SMIM41: variants seen among roughly 807,000 people sequenced by gnomAD.
SMIM41 encodes the protein small integral membrane protein 41.
Position 52,079,993 on chromosome 12 carries a change from G to T in SMIM41, c.214G>T (p.Glu72Ter), listed in dbSNP as rs1476315016. 1.1e-5 allele frequency: 4 copies of T among 378,410 alleles called. No homozygotes were observed. Among genetic ancestry groups the T allele is most frequent in the African/African-American group, 4.2e-5 (2 of 47,696 alleles). The allele number at this position is 378,410 out of a possible 1,614,324, so 23.4% of individuals were successfully genotyped here. A position where few individuals can be genotyped will look rare whatever the true frequency, so the allele number is the denominator to read the frequency against. ...AQGLTALLTR[E>*]QRASREPEPG... ...GGGCCTGACAGCGCTGCTGACCCGC[G>T]AGCAGCGCGCGTCCCGCGAGCCCGA... Residue 72 changes from glutamate (E) to a stop codon, truncating the protein, a stop_gained, in exon 1 of 3, where the codon GAG becomes TAG. Coordinates refer to ENST00000546390, the MANE Select transcript of SMIM41 (RefSeq NM_001369216.1). LOFTEE classifies it high-confidence loss of function.
At chr12:52,107,030 ATT>A (rs1300538764) in intron 2 of SMIM41, among the ~76,000 whole-genome samples, 1 of 152,182 alleles carries the variant, frequency 6.6e-6, no homozygotes, top group Non-Finnish European at 1.5e-5. Flanking sequence ...GATAGGCTGT[ATT>A]TTCTAGCAAT....
intron 2 of SMIM41, among the ~76,000 whole-genome samples, chr12:52,095,506 TC>T (rs1374023858): frequency 6.6e-6 from 1 of 152,072 alleles, no homozygotes; most frequent in Non-Finnish European, 1.5e-5. Flanking sequence ...AGCATCCTGT[TC>T]CCCCTGGATA....
chr12:52,101,317 C>T (rs747787046), intron 2 of SMIM41, among the ~76,000 whole-genome samples: 6 of 152,104 alleles, frequency 3.9e-5, no homozygotes, highest in South Asian at 2.1e-4. Context: ...CTCAGCTACT[C>T]GGAAGGCTGA....
At chr12:52,097,379 A>T (rs1412168470) in intron 2 of SMIM41, among the ~76,000 whole-genome samples, 2 of 149,862 alleles carry the variant, frequency 1.3e-5, no homozygotes, top group Non-Finnish European at 3.0e-5. Context: ...GCCACATTGC[A>T]GGGGGGTGGA....
At chr12:52,095,326 G>GC (rs1214754762) in intron 2 of SMIM41, among the ~76,000 whole-genome samples, 1 of 150,424 alleles carries the variant, frequency 6.6e-6, no homozygotes, top group Admixed American at 6.6e-5. Flanking sequence ...GGGGGCGGGC[G>GC]CCCCCCGCGA....
chr12:52,085,643 C>T lies in SMIM41; in HGVS notation c.*195+1675C>T, dbSNP rs1359014661. ...CACTTGGGCCAAACCCTGGGGTTTG[C>T]TGCTATTGGGCCTGTTTGACTCTGT... On this transcript the variant is annotated intron_variant, in intron 2 of 2. Coordinates refer to ENST00000546390, the MANE Select transcript of SMIM41 (RefSeq NM_001369216.1). Among the ~76,000 whole-genome samples the T allele has an allele frequency of 3.9e-5, 6 of 152,048 alleles. No individual in the cohort carries two copies. The East Asian group carries it at 9.7e-4, about 25-fold the overall frequency.
At chr12:52,085,821 G>A (rs1939884474) in intron 2 of SMIM41, among the ~76,000 whole-genome samples, 1 of 152,240 alleles carries the variant, frequency 6.6e-6, no homozygotes, top group African/African-American at 2.4e-5. Context: ...GGCCTGTTCA[G>A]TCTTGGGGTG....
chr12:52,101,837 C>T (rs1287672384), intron 2 of SMIM41, among the ~76,000 whole-genome samples: 2 of 149,064 alleles, frequency 1.3e-5, no homozygotes. Flanking sequence ...CTCCACCTCC[C>T]GAGTAGCTGG....
intron 2 of SMIM41, chr12:52,084,616 G>C (rs1282037113): frequency 6.6e-6 from 1 of 152,492 alleles, no homozygotes; most frequent in Non-Finnish European, 1.5e-5. Context: ...GGCAAGAAGA[G>C]GGCAAGAGCA....
chr12:52,079,877 G>C lies in SMIM41; in HGVS notation c.98G>C (p.Arg33Pro). The C allele has an allele frequency of 2.6e-6, 1 of 390,736 alleles. No homozygotes were observed. Among genetic ancestry groups the C allele is most frequent in the East Asian group, 3.7e-5 (1 of 27,222 alleles). The allele number at this position is 390,736 out of a possible 1,614,324, so 24.2% of individuals were successfully genotyped here. The change falls in exon 1 of 3, where the codon CGC (arginine) becomes CCC (proline). Residue 33 changes from arginine to proline, a missense_variant. Transcript: ENST00000546390. ...ASPPEPPEGP[R>P]AVQAVVLGVL... is the part of the protein sequence containing the mutation. The stretch of plus-strand genomic sequence containing the variant: ...CCGCCGGAGCCCCCCGAGGGGCCGC[G>C]CGCGGTGCAGGCGGTGGTGCTCGGC...
At chr12:52,090,515 C>T (rs1370912168) in intron 2 of SMIM41, among the ~76,000 whole-genome samples, 1 of 152,120 alleles carries the variant, frequency 6.6e-6, no homozygotes, top group Non-Finnish European at 1.5e-5. Context: ...CTGCTGTGGT[C>T]GGGGAACCAT....
Position 52,107,944 on chromosome 12 carries a change from C to G in SMIM41, c.*761C>G, listed in dbSNP as rs1170289754. 1.2e-5 allele frequency: 3 copies of G among 252,660 alleles called. No individual in the cohort carries two copies. The highest frequency in any genetic ancestry group is 6.9e-5 in the African/African-American group (3 of 43,396). The allele number at this position is 252,660 out of a possible 1,614,324, so 15.7% of individuals were successfully genotyped here. On this transcript the variant is annotated 3_prime_UTR_variant, in exon 3 of 3. Transcript: ENST00000546390. ...AATAACATAATCATGTATTTCCCTA[C>G]TGCCATATTTGGTTTTCTTCCCATC...
intron 2 of SMIM41, among the ~76,000 whole-genome samples, chr12:52,096,868 A>G (rs1436447450): frequency 6.6e-6 from 1 of 151,966 alleles, no homozygotes; most frequent in African/African-American, 2.4e-5. Context: ...TGTTGTTCCT[A>G]ATAGCCAGGG....
rs898622529 is a variant in SMIM41, at chr12:52,080,008, C to G, written c.229C>G (p.Arg77Gly). 2.7e-6 allele frequency: 1 copy of G among 374,304 alleles called. No individual in the cohort carries two copies. The highest frequency in any genetic ancestry group is 2.1e-5 in the African/African-American group (1 of 47,510). 23.2% of individuals were successfully genotyped at this position (374,304 alleles called of 1,614,324 possible). A position where few individuals can be genotyped will look rare whatever the true frequency, so the allele number is the denominator to read the frequency against. The change falls in exon 1 of 3, where the codon CGC becomes GGC. Residue 77 changes from arginine (R) to glycine (G), a missense_variant. By Grantham distance (125) the Arg-to-Gly change is moderately radical. Coordinates refer to ENST00000546390, the MANE Select transcript of SMIM41 (RefSeq NM_001369216.1). ...ALLTREQRAS[R>G]EPEPGSASGE... is the part of the protein sequence containing the mutation. ...GCTGACCCGCGAGCAGCGCGCGTCCCGCGAGCCCGAGCCGGGCAGTGCCAG... is the reference window on the plus strand; with the variant it reads ...GCTGACCCGCGAGCAGCGCGCGTCCGGCGAGCCCGAGCCGGGCAGTGCCAG...
chr12:52,103,241 C>T (rs374122389), intron 2 of SMIM41, among the ~76,000 whole-genome samples: 3 of 151,706 alleles, frequency 2.0e-5, no homozygotes, highest in African/African-American at 7.3e-5. Context: ...GCACAAGAAT[C>T]GCTTGAACCC....
At chr12:52,098,519 G>T (rs1295245776) in intron 2 of SMIM41, among the ~76,000 whole-genome samples, 4 of 147,022 alleles carry the variant, frequency 2.7e-5, no homozygotes, top group Non-Finnish European at 5.9e-5. Context: ...GTGGGGGGGG[G>T]GGGACGTACA....
intron 2 of SMIM41, among the ~76,000 whole-genome samples, chr12:52,086,550 C>A (rs1447841200): frequency 6.6e-6 from 1 of 152,242 alleles, no homozygotes; most frequent in Non-Finnish European, 1.5e-5. Context: ...CCCTTCCCAG[C>A]CGCAGCTGAC....
chr12:52,098,516 G>C (rs1281971709), intron 2 of SMIM41, among the ~76,000 whole-genome samples: 2 of 149,216 alleles, frequency 1.3e-5, no homozygotes, highest in African/African-American at 5.0e-5. Context: ...ATCGTGGGGG[G>C]GGGGGGACGT....
In SMIM41 at chr12:52,082,247, G is replaced by A. The variant is rs116675480; in HGVS notation, c.*121-1647G>A. On this transcript the variant is annotated intron_variant, in intron 1 of 2. Coordinates refer to ENST00000546390, the MANE Select transcript of SMIM41 (RefSeq NM_001369216.1). Reference sequence around the variant, plus strand: ...TGATGACCTTCCGTTTGGCCTTTGGGCTCAAGTTCCTGTGGTGTGAGGGTG... The same window carrying A: ...TGATGACCTTCCGTTTGGCCTTTGGACTCAAGTTCCTGTGGTGTGAGGGTG... Among the ~76,000 whole-genome samples the A allele has an allele frequency of 1.8e-3, 281 of 152,352 alleles. 1 individual carries two copies. The highest frequency in any genetic ancestry group is 6.4e-3 in the African/African-American group (268 of 41,578).
Sources: gnomAD v4.1 joint callset for allele counts (sites outside exome capture counted in the v4.1 genomes callset) on GRCh38, gnomAD v4.1.1 for gene constraint, MANE v1.5 for transcripts, NCBI Gene and HGNC (gene_info 2026-07-23, HGNC 2026-07-21) for gene names.